NDUFA9: variants seen among roughly 807,000 people sequenced by gnomAD.
NDUFA9 encodes NADH dehydrogenase [ubiquinone] 1 alpha subcomplex subunit 9, mitochondrial.
A neutral mutation model predicts 45.9 loss-of-function variants in NDUFA9; 23 were observed. That is an observed-to-expected ratio of 0.50 (90% CI 0.36 to 0.71). The LOEUF is 0.71. NDUFA9 is among the 30% of genes least tolerant of loss of function. The pLI is 0.00. For synonymous variants in NDUFA9, 176 were observed against 170.5 expected, an observed-to-expected ratio of 1.03 and a Z score of -0.25; for missense variants, 466 against 488.2, an observed-to-expected ratio of 0.95 and a Z score of 0.43.
At chr12:4,665,597 G>A (rs1000932457) in intron 6 of NDUFA9, among the ~76,000 whole-genome samples, 17 of 152,178 alleles carry the variant, frequency 1.1e-4, no homozygotes, top group African/African-American at 4.1e-4. Flanking sequence ...ACTGAGAAGT[G>A]GAATTCTGTA....
chr12:4,669,917 A>C, intron 8 of NDUFA9, 100 bp downstream of exon 8: 1 of 899,324 alleles, frequency 1.1e-6, no homozygotes, highest in Non-Finnish European at 1.8e-6. Flanking sequence ...CTTTTACAAT[A>C]TCAAAATCTC....
chr12:4,684,915 G>A (rs2137488385), intron 9 of NDUFA9: 2 of 568,132 alleles, frequency 3.5e-6, no homozygotes, highest in East Asian at 5.6e-5. Flanking sequence ...TTGAATATCT[G>A]AGGTTTAGAT....
At chr12:4,677,061 C>T (rs776204717) in intron 8 of NDUFA9, among the ~76,000 whole-genome samples, 11 of 151,996 alleles carry the variant, frequency 7.2e-5, no homozygotes, top group Non-Finnish European at 1.3e-4. Context: ...AATGATTCTC[C>T]GTTTAATAAA....
rs761882524 is a variant in NDUFA9 at position 4,668,471 on chromosome 12, G to A, written c.670G>A (p.Gly224Ser). The stretch of plus-strand genomic sequence containing the variant: ...TCTTCCGCTAGGTATGCATCGGTTT[G>A]GTCCTATACCCCTTGGTTCCTTGGG... ...LNSFASMHRF[G>S]PIPLGSLGWK... Residue 224 changes from glycine (G) to serine (S), a missense_variant, in exon 7 of 11, where the codon GGT becomes AGT. Transcript: ENST00000266544. 6.2e-7 allele frequency: 1 copy of A among 1,613,398 alleles called. No homozygotes were observed. The highest frequency in any genetic ancestry group is 8.5e-7 in the Non-Finnish European group (1 of 1,179,520).
At position 4,652,922 on chromosome 12, in the gene NDUFA9, A is replaced by G. The variant is rs148425690; in HGVS notation, c.50-1370A>G. 3.5e-3 allele frequency among the ~76,000 whole-genome samples: 532 copies of G among 152,380 alleles called. 2 individuals are homozygous for G. The highest frequency in any genetic ancestry group is 0.012 in the African/African-American group (511 of 41,596). ...TACTTTTGGATAGGGAAGAACAATG[A>G]CCTTTGGGCAGAATGCCACCTGAAA... On this transcript the variant is annotated intron_variant, in intron 1 of 10. Coordinates refer to ENST00000266544, the MANE Select transcript of NDUFA9 (RefSeq NM_005002.5).
intron 8 of NDUFA9, among the ~76,000 whole-genome samples, chr12:4,680,170 C>T (rs984882538): frequency 6.6e-6 from 1 of 152,058 alleles, no homozygotes; most frequent in African/African-American, 2.4e-5. Context: ...CCTGGGAGAA[C>T]AGGAAAGAGC....
chr12:4,657,217 A>G (rs1206536904), intron 3 of NDUFA9: 2 of 152,386 alleles, frequency 1.3e-5, no homozygotes, highest in East Asian at 1.9e-4. Flanking sequence ...TTAATGGAGA[A>G]ATTACTAGAT....
At chr12:4,670,624 T>C (rs545219504) in intron 8 of NDUFA9, among the ~76,000 whole-genome samples, 14 of 152,348 alleles carry the variant, frequency 9.2e-5, no homozygotes, top group African/African-American at 3.4e-4. Context: ...TCTGAATCTA[T>C]ACATTGTTAT....
intron 2 of NDUFA9, 67 bp downstream of exon 2, chr12:4,654,529 G>A: frequency 7.9e-6 from 12 of 1,513,392 alleles, no homozygotes; most frequent in Non-Finnish European, 1.1e-5. Context: ...TGAGAAGCAT[G>A]AGCTATGTTT....
At chr12:4,679,743 G>A (rs1945941720) in intron 8 of NDUFA9, among the ~76,000 whole-genome samples, 1 of 152,190 alleles carries the variant, frequency 6.6e-6, no homozygotes. Flanking sequence ...CTGTAAAAGG[G>A]AGCAAAGGAA....
intron 8 of NDUFA9, among the ~76,000 whole-genome samples, chr12:4,672,510 A>C (rs944138948): frequency 2.0e-5 from 3 of 152,218 alleles, no homozygotes; most frequent in Admixed American, 6.5e-5. Flanking sequence ...CTAGCTCAGC[A>C]GTCTGAGTTC....
chr12:4,654,447 G>A lies in NDUFA9; in HGVS notation c.205G>A (p.Val69Ile), dbSNP rs368824479. 2.5e-6 allele frequency: 4 copies of A among 1,613,990 alleles called. No homozygotes were observed. Among genetic ancestry groups the A allele is most frequent in the East Asian group, 2.2e-5 (1 of 44,890 alleles). ...AGCAACAGGATTCCTGGGGCGATATGTTGTCAACCACCTTGGTAAGTAAAG... is the reference window on the plus strand; with the variant it reads ...AGCAACAGGATTCCTGGGGCGATATATTGTCAACCACCTTGGTAAGTAAAG... Reference protein sequence around the residue: ...FGATGFLGRYVVNHLGRMGSQ... With the variant: ...FGATGFLGRYIVNHLGRMGSQ... Residue 69 changes from valine to isoleucine, a missense_variant, in exon 2 of 11, where the codon GTT (valine) becomes ATT (isoleucine). By Grantham distance (29) the Val-to-Ile change is conservative. Transcript: ENST00000266544.
In NDUFA9 at chr12:4,662,631, T is replaced by G; in HGVS notation, c.651T>G (p.Phe217Leu). 1 of 1,611,482 alleles carries G rather than the reference T, an allele frequency of 6.2e-7. No homozygotes were observed. The highest frequency in any genetic ancestry group is 1.7e-5 in the Admixed American group (1 of 60,018). ...GAGAGGATAGATTCCTTAATTCTTT[T>G]GCAAGTACGTATTCTTTCTTAATGG... Reference protein sequence around the residue: ...FGREDRFLNSFASMHRFGPIP... With the variant: ...FGREDRFLNSLASMHRFGPIP... Residue 217 changes from phenylalanine (F) to leucine (L), a missense_variant, in exon 6 of 11, where the codon TTT (phenylalanine) becomes TTG (leucine). Physicochemically the swap from Phe to Leu is conservative, Grantham distance 22. Transcript: ENST00000266544.
At chr12:4,683,659 G>T (rs1214628439) in intron 9 of NDUFA9, among the ~76,000 whole-genome samples, 1 of 152,210 alleles carries the variant, frequency 6.6e-6, no homozygotes, top group Non-Finnish European at 1.5e-5. Flanking sequence ...AGTATGTGGA[G>T]TGAGTGGAAG....
intron 5 of NDUFA9, among the ~76,000 whole-genome samples, chr12:4,659,985 C>T (rs1468594258): frequency 6.6e-6 from 1 of 152,212 alleles, no homozygotes; most frequent in Non-Finnish European, 1.5e-5. Context: ...ATGCTTGTGC[C>T]TGCCTCTGCC....
chr12:4,652,507 C>T (rs567009736), intron 1 of NDUFA9, among the ~76,000 whole-genome samples: 1 of 152,332 alleles, frequency 6.6e-6, no homozygotes, highest in East Asian at 1.9e-4. Context: ...ACAGCCACAT[C>T]CTCCAGCTTC....
At chr12:4,659,207 TCA>T (rs1423135781) in intron 5 of NDUFA9, 30 bp downstream of exon 5, 1 of 1,585,590 alleles carries the variant, frequency 6.3e-7, no homozygotes, top group Non-Finnish European at 8.6e-7. Context: ...GGGAAGTGGT[TCA>T]CAGAGCCAGA....
At chr12:4,659,581 T>C (rs1042648785) in intron 5 of NDUFA9, among the ~76,000 whole-genome samples, 1 of 152,150 alleles carries the variant, frequency 6.6e-6, no homozygotes, top group African/African-American at 2.4e-5. Flanking sequence ...AAAGGGGCAA[T>C]GTGAAGGCTC....
At position 4,674,393 on chromosome 12, in the gene NDUFA9, G is replaced by C. The variant is rs542643681; in HGVS notation, c.800+4576G>C. 3.9e-5 allele frequency among the ~76,000 whole-genome samples: 6 copies of C among 152,250 alleles called. No individual in the cohort carries two copies. The South Asian group carries it at 1.2e-3, about 32-fold the overall frequency. On this transcript the variant is annotated intron_variant, in intron 8 of 10. Transcript: ENST00000266544. ...GACACAGACTGGCAAATTGGAGAAA[G>C]GGTCAAGACTCATCAGTTTGCTGTA...
Sources: gnomAD v4.1 joint callset for allele counts (sites outside exome capture counted in the v4.1 genomes callset) on GRCh38, gnomAD v4.1.1 for gene constraint, MANE v1.5 for transcripts, NCBI Gene and HGNC (gene_info 2026-07-23, HGNC 2026-07-21) for gene names.